RBFOX1: variants seen among roughly 807,000 people sequenced by gnomAD.
RBFOX1 encodes the protein RNA binding protein fox-1 homolog 1.
In RBFOX1, 8 loss-of-function variants were observed where a neutral mutation model predicts 57.7. The ratio of observed to expected loss-of-function variants is 0.14; its 90% CI spans 0.08 to 0.25. The LOEUF (loss-of-function observed/expected upper bound fraction) is 0.25, where lower values mean the gene tolerates loss of function less well. Among genes scored for constraint, RBFOX1 ranks in the 10% least tolerant of loss-of-function variants. RBFOX1 has a pLI of 1.00. For missense variants in RBFOX1, 611 were observed against 548.5 expected (o/e 1.11, Z -1.14); for synonymous variants, 326 against 222.4 (o/e 1.47, Z -4.15).
At chr16:7,067,552 T>C (rs1442400452) in intron 4 of RBFOX1, among the ~76,000 whole-genome samples, 2 of 151,946 alleles carry the variant, frequency 1.3e-5, no homozygotes, top group Non-Finnish European at 2.9e-5. Flanking sequence ...TATTTTATTA[T>C]ATTTTAAGTT....
intron 4 of RBFOX1, chr16:7,126,724 C>G (rs1176281275): frequency 6.6e-6 from 1 of 151,974 alleles, no homozygotes; most frequent in Non-Finnish European, 1.5e-5. Flanking sequence ...TACATTGGCT[C>G]ACGCCTGTAA....
At position 7,137,069 on chromosome 16, in the gene RBFOX1, C is replaced by T. The variant is rs565952299; in HGVS notation, c.27+84971C>T. Among the ~76,000 whole-genome samples, 11 of 152,296 alleles carry T rather than the reference C, an allele frequency of 7.2e-5. No individual in the cohort carries two copies. In the East Asian group the frequency reaches 1.7e-3, roughly 24 times the overall value. ...GTATCACCAAACACTATTATTATTT[C>T]TATTCTATAAAGGAGAAACTGAGGC... On this transcript the variant is annotated intron_variant, in intron 4 of 15. Coordinates refer to ENST00000550418, the MANE Select transcript of RBFOX1 (RefSeq NM_018723.4).
At chr16:5,264,546 T>C (rs1447258494) in intron 1 of RBFOX1, among the ~76,000 whole-genome samples, 2 of 152,216 alleles carry the variant, frequency 1.3e-5, no homozygotes, top group Admixed American at 1.3e-4. Context: ...GATTGTTCTT[T>C]ATTGTAAAAG....
At chr16:6,508,234 G>A (rs2096160347) in intron 2 of RBFOX1, among the ~76,000 whole-genome samples, 1 of 152,064 alleles carries the variant, frequency 6.6e-6, no homozygotes, top group African/African-American at 2.4e-5. Flanking sequence ...GTGGAAGGAG[G>A]GAGAGGATCA....
At position 7,195,564 on chromosome 16, in the gene RBFOX1, T is replaced by A. The variant is rs371875140; in HGVS notation, c.27+143466T>A. Among the ~76,000 whole-genome samples the A allele has an allele frequency of 3.3e-4, 50 of 152,284 alleles. No homozygotes were observed. In the South Asian group the frequency reaches 9.1e-3, roughly 28 times the overall value. ...TTATTTATGTATTTATTTATTTGTT[T>A]GTTTATTTATTGAGACAGAGTCCAA... On this transcript the variant is annotated intron_variant, in intron 4 of 15. Transcript: ENST00000550418.
chr16:6,725,714 A>C (rs539656367), intron 3 of RBFOX1, among the ~76,000 whole-genome samples: 6 of 152,174 alleles, frequency 3.9e-5, no homozygotes, highest in Non-Finnish European at 2.9e-5. Context: ...CTAAAACTCT[A>C]TATTCAGGGT....
intron 4 of RBFOX1, among the ~76,000 whole-genome samples, chr16:7,428,275 G>A (rs1274577653): frequency 7.0e-6 from 1 of 142,434 alleles, no homozygotes; most frequent in African/African-American, 2.6e-5. Context: ...AACTTTTTTT[G>A]TTGAATAAGT....
intron 4 of RBFOX1, among the ~76,000 whole-genome samples, chr16:7,400,425 C>A (rs984752149): frequency 1.3e-5 from 2 of 152,078 alleles, no homozygotes; most frequent in Non-Finnish European, 2.9e-5. Flanking sequence ...GACAGAAATC[C>A]TCAAAAGTGA....
chr16:5,331,409 C>G (rs1372157291), intron 1 of RBFOX1, among the ~76,000 whole-genome samples: 1 of 152,178 alleles, frequency 6.6e-6, no homozygotes, highest in Non-Finnish European at 1.5e-5. Flanking sequence ...TGGCTAGACT[C>G]ATTCATGTGT....
At chr16:6,883,543 C>A (rs1298646912) in intron 3 of RBFOX1, among the ~76,000 whole-genome samples, 3 of 152,216 alleles carry the variant, frequency 2.0e-5, no homozygotes, top group Non-Finnish European at 4.4e-5. Flanking sequence ...CTAAACGGCA[C>A]ACTGCCATAT....
intron 4 of RBFOX1, among the ~76,000 whole-genome samples, chr16:7,268,467 C>T (rs1006339598): frequency 6.6e-6 from 1 of 152,182 alleles, no homozygotes; most frequent in African/African-American, 2.4e-5. Context: ...CAAATTGCTG[C>T]TACTCAGGAG....
At chr16:6,853,913 T>C (rs964566435) in intron 3 of RBFOX1, among the ~76,000 whole-genome samples, 1 of 152,164 alleles carries the variant, frequency 6.6e-6, no homozygotes, top group Non-Finnish European at 1.5e-5. Context: ...TGCAAATAAT[T>C]AGCTCTTCCT....
At chr16:6,006,048 T>C (rs1238853518) in intron 4 of RBFOX1, among the ~76,000 whole-genome samples, 3 of 152,216 alleles carry the variant, frequency 2.0e-5, no homozygotes, top group Non-Finnish European at 4.4e-5. Context: ...CTGGATCCTA[T>C]AGGTGGTGCA....
chr16:6,585,670 A>T (rs181911841), intron 2 of RBFOX1, among the ~76,000 whole-genome samples: 54 of 152,332 alleles, frequency 3.5e-4, no homozygotes, highest in Non-Finnish European at 7.3e-5. Flanking sequence ...TGCAGTAAGC[A>T]ATGGTGAATG....
intron 14 of RBFOX1, among the ~76,000 whole-genome samples, chr16:7,686,182 C>T (rs1037316941): frequency 4.7e-5 from 7 of 148,362 alleles, no homozygotes; most frequent in South Asian, 2.1e-4. Context: ...GTTCTGTTCT[C>T]GAGTGAAAAA....
Position 6,636,713 on chromosome 16 carries a change from C to T in RBFOX1, c.-63-17890C>T, listed in dbSNP as rs902722518. Among the ~76,000 whole-genome samples, 277 of 144,468 alleles carry T rather than the reference C, an allele frequency of 1.9e-3. 2 individuals are homozygous for T. The highest frequency in any genetic ancestry group is 6.5e-3 in the African/African-American group (253 of 39,152). 94.8% of individuals were successfully genotyped at this position (144,468 alleles called of 152,430 possible). ...ATTCTATTTGATTGTGTGAATCTCA[C>T]CAATCTGGAAGTCATAAAATAAGCC... is the stretch of plus-strand genomic sequence containing the variant. On this transcript the variant is annotated intron_variant, in intron 2 of 15. Transcript: ENST00000550418.
chr16:5,552,818 G>T (rs973844358), intron 2 of RBFOX1, among the ~76,000 whole-genome samples: 1 of 138,060 alleles, frequency 7.2e-6, no homozygotes, highest in Non-Finnish European at 1.6e-5. Context: ...CCCAGGCCTC[G>T]GAGCAGATAC....
At chr16:6,639,336 G>C (rs2098468470) in intron 2 of RBFOX1, among the ~76,000 whole-genome samples, 1 of 152,120 alleles carries the variant, frequency 6.6e-6, no homozygotes, top group African/African-American at 2.4e-5. Context: ...GTAGTGCTAG[G>C]ATCTTTACAA....
chr16:7,029,071 TATATATATATACACACAC>T (rs1410424926), intron 3 of RBFOX1, among the ~76,000 whole-genome samples: 691 of 25,494 alleles, frequency 0.027, 54 homozygotes, highest in African/African-American at 0.13. Context: ...TATATATATA[TATATATATATACACACAC>T]ACACACACAC....
Sources: gnomAD v4.1 joint callset for allele counts (sites outside exome capture counted in the v4.1 genomes callset) on GRCh38, gnomAD v4.1.1 for gene constraint, MANE v1.5 for transcripts, NCBI Gene and HGNC (gene_info 2026-07-23, HGNC 2026-07-21) for gene names.